The following TYW1B variants were observed in gnomAD, a reference collection of about 807,000 sequenced individuals.
The protein encoded by TYW1B is tRNA-yW synthesizing protein 1 homolog B, also known as S-adenosyl-L-methionine-dependent tRNA 4-demethylwyosine synthase TYW1B.
TYW1B carries 73 observed loss-of-function variants against 86.9 expected under a neutral mutation model. The observed-to-expected ratio is 0.84, with a 90% CI of 0.70 to 1.02. The LOEUF (loss-of-function observed/expected upper bound fraction) is 1.02. Ranked by LOEUF, TYW1B falls within the 50% of genes least tolerant of loss-of-function variation. TYW1B has a pLI of 0.00. For missense variants in TYW1B, 637 were observed against 827.4 expected (o/e 0.77, Z 2.82); for synonymous variants, 248 against 292.8 (o/e 0.85, Z 1.56).
chr7:72,632,312 T>A (rs1221459996), intron 11 of TYW1B, among the ~76,000 whole-genome samples: 9 of 87,002 alleles, frequency 1.0e-4, no homozygotes, highest in African/African-American at 5.6e-4. Flanking sequence ...TGTATATATA[T>A]TATATATATT....
At chr7:72,622,912 C>T (rs868924088) in intron 12 of TYW1B, among the ~76,000 whole-genome samples, 1 of 152,146 alleles carries the variant, frequency 6.6e-6, no homozygotes, top group Admixed American at 6.6e-5. Flanking sequence ...GACGCCACTC[C>T]CGCATTTACA....
At chr7:72,825,604 G>A (rs1430096224) in intron 2 of TYW1B, among the ~76,000 whole-genome samples, 2 of 152,144 alleles carry the variant, frequency 1.3e-5, no homozygotes, top group African/African-American at 4.8e-5. Context: ...TGCTTGAGGT[G>A]GAGGTGGAGG....
intron 9 of TYW1B, among the ~76,000 whole-genome samples, chr7:72,725,443 C>T (rs2844094): frequency 6.6e-6 from 1 of 152,152 alleles, no homozygotes; most frequent in Non-Finnish European, 1.5e-5. Context: ...ATCAACTTCA[C>T]ATAAAAATAA....
At chr7:72,773,180 A>G (rs1554469951) in intron 7 of TYW1B, among the ~76,000 whole-genome samples, 2 of 152,180 alleles carry the variant, frequency 1.3e-5, no homozygotes, top group African/African-American at 4.8e-5. Context: ...TTAGGTAAAG[A>G]AAAAAACTGT....
rs148554429 is a variant in TYW1B, at chr7:72,783,674, C to T, written c.847-6141G>A. On this transcript the variant is annotated intron_variant, in intron 6 of 13. Transcript: ENST00000620995. ...TTGTATATACTGAGTTCTAAAAATG[C>T]CTTTTGAACTGGTGGAAAAGCAGCG... is the stretch of plus-strand genomic sequence containing the variant. 8.5e-4 allele frequency among the ~76,000 whole-genome samples: 129 copies of T among 152,194 alleles called. 2 individuals are homozygous for T. The East Asian group carries it at 0.023, about 27-fold the overall frequency.
At chr7:72,649,025 A>G (rs555968842) in intron 11 of TYW1B, among the ~76,000 whole-genome samples, 1 of 152,308 alleles carries the variant, frequency 6.6e-6, no homozygotes, top group East Asian at 1.9e-4. Flanking sequence ...ATGTTTCCTC[A>G]TCCTTTGGAG....
In TYW1B at chr7:72,821,644, G is replaced by A. The variant is rs555915741; in HGVS notation, c.135+5211C>T. On this transcript the variant is annotated intron_variant, in intron 2 of 13. Transcript: ENST00000620995. ...AATGGCATGGACCAGGGGAGTAGCAGTGAAGGTGGTAAGAAGTGATTGGAA... is the reference window on the plus strand; with the variant it reads ...AATGGCATGGACCAGGGGAGTAGCAATGAAGGTGGTAAGAAGTGATTGGAA... Among the ~76,000 whole-genome samples, 10 of 152,322 alleles carry A rather than the reference G, an allele frequency of 6.6e-5. No homozygotes were observed. In the East Asian group the frequency reaches 1.9e-3, roughly 29 times the overall value.
At chr7:72,803,352 C>A (rs1454182347) in intron 5 of TYW1B, among the ~76,000 whole-genome samples, 1 of 152,000 alleles carries the variant, frequency 6.6e-6, no homozygotes, top group Non-Finnish European at 1.5e-5. Flanking sequence ...CTCAGGGGAA[C>A]GAGACACATG....
At chr7:72,584,873 C>G (rs1466751464) in intron 13 of TYW1B, among the ~76,000 whole-genome samples, 1 of 152,150 alleles carries the variant, frequency 6.6e-6, no homozygotes, top group Non-Finnish European at 1.5e-5. Context: ...CACAAGAGGC[C>G]TTAGGCAAAC....
chr7:72,763,545 G>A (rs1299372757), intron 7 of TYW1B, among the ~76,000 whole-genome samples: 5 of 152,038 alleles, frequency 3.3e-5, no homozygotes, highest in African/African-American at 1.2e-4. Context: ...GCCTCCCAAA[G>A]CACTGGGATT....
chr7:72,808,964 A>G (rs1554477374), intron 4 of TYW1B, among the ~76,000 whole-genome samples: 1 of 151,580 alleles, frequency 6.6e-6, no homozygotes, highest in African/African-American at 2.4e-5. Flanking sequence ...CCATCGTTTC[A>G]TTTTTTCAAG....
At chr7:72,734,882 A>C (rs1219662045) in intron 8 of TYW1B, among the ~76,000 whole-genome samples, 4 of 152,238 alleles carry the variant, frequency 2.6e-5, no homozygotes, top group Non-Finnish European at 5.9e-5. Flanking sequence ...ACTAATCATC[A>C]GAGAAATGCA....
intron 10 of TYW1B, among the ~76,000 whole-genome samples, chr7:72,709,395 G>A (rs1410328472): frequency 1.3e-5 from 2 of 152,190 alleles, no homozygotes; most frequent in Non-Finnish European, 2.9e-5. Flanking sequence ...GTGGCCGAGC[G>A]TGGTGGCTCA....
intron 13 of TYW1B, among the ~76,000 whole-genome samples, chr7:72,600,881 G>C (rs530688750): frequency 6.6e-6 from 1 of 152,050 alleles, no homozygotes; most frequent in Admixed American, 6.6e-5. Flanking sequence ...AAAGGGCCGG[G>C]CGTGGTGGCT....
chr7:72,618,507 C>T (rs1402115731), intron 12 of TYW1B, among the ~76,000 whole-genome samples: 7 of 152,084 alleles, frequency 4.6e-5, no homozygotes, highest in African/African-American at 4.8e-5. Context: ...TGAGCCAACA[C>T]GCCTGGCCAA....
intron 11 of TYW1B, among the ~76,000 whole-genome samples, chr7:72,684,957 A>T (rs183172494): frequency 6.6e-5 from 10 of 152,138 alleles, no homozygotes; most frequent in African/African-American, 2.2e-4. Context: ...ATAAAAATTT[A>T]AAAAATTAGC....
intron 6 of TYW1B, among the ~76,000 whole-genome samples, chr7:72,799,540 A>C (rs1177933866): frequency 6.6e-6 from 1 of 150,812 alleles, no homozygotes; most frequent in Non-Finnish European, 1.5e-5. Context: ...ATCTCGGCTC[A>C]CTACAAGCTC....
intron 12 of TYW1B, among the ~76,000 whole-genome samples, chr7:72,623,817 T>C (rs1307480439): frequency 1.1e-4 from 17 of 152,218 alleles, no homozygotes; most frequent in Admixed American, 1.3e-4. Flanking sequence ...TTAATTTTTT[T>C]TTGAGATAGA....
Position 72,574,810 on chromosome 7 carries a change from C to T in TYW1B, c.*688G>A, listed in dbSNP as rs1810982049. On this transcript the variant is annotated 3_prime_UTR_variant, in exon 14 of 14. Transcript: ENST00000620995. ...ACTCCATGCCCTCACATGGCCACTC[C>T]TCTTACAGCAGACAGCTTCACTCCG... is the stretch of plus-strand genomic sequence containing the variant. 3.0e-6 allele frequency: 3 copies of T among 985,302 alleles called. No homozygotes were observed. The highest frequency in any genetic ancestry group is 6.2e-5 in the Admixed American group (1 of 16,226). The allele number at this position is 985,302 out of a possible 1,614,324, so 61.0% of individuals were successfully genotyped here.
Sources: allele counts gnomAD v4.1 joint callset (sites outside exome capture counted in the v4.1 genomes callset), GRCh38; gene constraint gnomAD v4.1.1; transcripts MANE v1.5; gene names NCBI Gene and HGNC (gene_info 2026-07-23, HGNC 2026-07-21).